Variants in LDLRAD3 observed in about 807,000 individuals in gnomAD.
LDLRAD3 encodes low-density lipoprotein receptor class A domain-containing protein 3.
In LDLRAD3, 20 loss-of-function variants were observed where a neutral mutation model predicts 29.4. The ratio of observed to expected loss-of-function variants is 0.68; its 90% CI spans 0.48 to 0.99. The LOEUF (loss-of-function observed/expected upper bound fraction) is 0.99. Ranked by LOEUF, LDLRAD3 falls within the 50% of genes least tolerant of loss-of-function variation. LDLRAD3 has a pLI of 0.00. For missense variants in LDLRAD3, 420 were observed against 454.3 expected, an observed-to-expected ratio of 0.92 and a Z score of 0.69; for synonymous variants, 157 against 192.7, an observed-to-expected ratio of 0.81 and a Z score of 1.53.
chr11:36,088,396 T>C (rs376400406), intron 3 of LDLRAD3, among the ~76,000 whole-genome samples: 55 of 152,114 alleles, frequency 3.6e-4, no homozygotes, highest in African/African-American at 1.3e-3. Context: ...CGATAGAAAA[T>C]TGATTCAAGC....
At chr11:36,038,261 A>C (rs1852330556) in intron 2 of LDLRAD3, among the ~76,000 whole-genome samples, 1 of 152,178 alleles carries the variant, frequency 6.6e-6, no homozygotes, top group South Asian at 2.1e-4. Context: ...CTCTGTTTCT[A>C]ACATGGCCTC....
At chr11:36,080,514 G>A (rs753426267) in intron 2 of LDLRAD3, among the ~76,000 whole-genome samples, 24 of 152,160 alleles carry the variant, frequency 1.6e-4, no homozygotes, top group Non-Finnish European at 3.1e-4. Context: ...TCTGCATGCC[G>A]GGCCTCACCC....
rs191441530 is a variant in LDLRAD3, at chr11:36,170,864, C to T, written c.455-56221C>T. On this transcript the variant is annotated intron_variant, in intron 4 of 5. Transcript: ENST00000315571. The stretch of plus-strand genomic sequence containing the variant: ...GTTGCCAGGTTGGAGTGCAGGGGCG[C>T]GATCTTGGCTCACTGAAACCTCCGC... 2.0e-4 allele frequency among the ~76,000 whole-genome samples: 30 copies of T among 150,540 alleles called. No homozygotes were observed. In the South Asian group the frequency reaches 4.4e-3, roughly 22 times the overall value.
intron 2 of LDLRAD3, among the ~76,000 whole-genome samples, chr11:36,070,331 A>G (rs985967537): frequency 2.6e-5 from 4 of 152,256 alleles, no homozygotes; most frequent in Admixed American, 2.0e-4. Context: ...TTGCTTGAAC[A>G]AAAACCGTTT....
chr11:36,180,437 G>A (rs1044863073), intron 4 of LDLRAD3, among the ~76,000 whole-genome samples: 1 of 152,160 alleles, frequency 6.6e-6, no homozygotes, highest in Non-Finnish European at 1.5e-5. Flanking sequence ...CTTCATGGAC[G>A]TATAGTCTAG....
At chr11:36,201,027 C>A (rs936719779) in intron 4 of LDLRAD3, among the ~76,000 whole-genome samples, 1 of 152,110 alleles carries the variant, frequency 6.6e-6, no homozygotes, top group Non-Finnish European at 1.5e-5. Flanking sequence ...GAAATGTTTT[C>A]TGTTGGTTTG....
intron 2 of LDLRAD3, among the ~76,000 whole-genome samples, chr11:36,074,010 G>C (rs1852952672): frequency 6.6e-6 from 1 of 152,050 alleles, no homozygotes; most frequent in African/African-American, 2.4e-5. Flanking sequence ...TTGTGTGTGT[G>C]AGAACTTAAA....
chr11:36,113,672 C>CTT (rs745375991), intron 4 of LDLRAD3, among the ~76,000 whole-genome samples: 4,276 of 126,316 alleles, frequency 0.034, 313 homozygotes, highest in East Asian at 0.3. Context: ...CATAGCATCA[C>CTT]TTTTTTTTTT....
At chr11:36,016,952 A>C (rs1172572006) in intron 1 of LDLRAD3, among the ~76,000 whole-genome samples, 2 of 152,248 alleles carry the variant, frequency 1.3e-5, no homozygotes, top group Non-Finnish European at 2.9e-5. Flanking sequence ...ACATAATTAA[A>C]AGATAAAAAT....
At chr11:36,069,835 A>G (rs907948275) in intron 2 of LDLRAD3, among the ~76,000 whole-genome samples, 2 of 152,124 alleles carry the variant, frequency 1.3e-5, no homozygotes, top group African/African-American at 2.4e-5. Flanking sequence ...TCTTCTATGT[A>G]TTCTCATTCT....
chr11:36,191,149 A>G (rs1489177294), intron 4 of LDLRAD3, among the ~76,000 whole-genome samples: 4 of 152,194 alleles, frequency 2.6e-5, no homozygotes, highest in African/African-American at 9.6e-5. Flanking sequence ...CTGAAGGGCC[A>G]TCACAGGGTG....
intron 1 of LDLRAD3, among the ~76,000 whole-genome samples, chr11:35,996,963 G>A (rs1350398018): frequency 6.6e-6 from 1 of 152,078 alleles, no homozygotes; most frequent in Non-Finnish European, 1.5e-5. Context: ...GTACCTTTGG[G>A]AATATAGTGT....
At chr11:36,144,545 C>G (rs1272423851) in intron 4 of LDLRAD3, among the ~76,000 whole-genome samples, 1 of 150,772 alleles carries the variant, frequency 6.6e-6, no homozygotes, top group Non-Finnish European at 1.5e-5. Flanking sequence ...CCTGCCGCCC[C>G]GTCTGGGATG....
chr11:36,171,983 G>A (rs1854604756), intron 4 of LDLRAD3, among the ~76,000 whole-genome samples: 2 of 152,114 alleles, frequency 1.3e-5, no homozygotes, highest in African/African-American at 4.8e-5. Context: ...TGTGTAATCT[G>A]TGATTTCTTT....
chr11:36,096,199 G>A (rs1198687264), intron 3 of LDLRAD3, among the ~76,000 whole-genome samples: 1 of 152,170 alleles, frequency 6.6e-6, no homozygotes, highest in Non-Finnish European at 1.5e-5. Context: ...GAATTGAATA[G>A]TTAAAATAAA....
At chr11:35,988,137 A>G (rs990495552) in intron 1 of LDLRAD3, among the ~76,000 whole-genome samples, 8 of 152,190 alleles carry the variant, frequency 5.3e-5, no homozygotes, top group Admixed American at 3.3e-4. Context: ...AACTCACTGC[A>G]GTCTCAATCT....
intron 1 of LDLRAD3, among the ~76,000 whole-genome samples, chr11:35,947,117 C>A (rs917426486): frequency 3.9e-5 from 6 of 152,134 alleles, no homozygotes; most frequent in African/African-American, 1.2e-4. Flanking sequence ...AGCCAGTCTG[C>A]AGGATAAGTT....
intron 2 of LDLRAD3, among the ~76,000 whole-genome samples, chr11:36,073,205 G>A (rs1447122384): frequency 1.3e-5 from 2 of 152,164 alleles, no homozygotes; most frequent in African/African-American, 2.4e-5. Flanking sequence ...AGGACTGTGG[G>A]AAGTAGGCTC....
intron 4 of LDLRAD3, among the ~76,000 whole-genome samples, chr11:36,111,913 T>C (rs996910191): frequency 1.3e-5 from 2 of 152,246 alleles, no homozygotes; most frequent in African/African-American, 4.8e-5. Flanking sequence ...GGTTCATCTT[T>C]AGTTCATTTT....
Sources: gnomAD v4.1 joint callset for allele counts (sites outside exome capture counted in the v4.1 genomes callset) on GRCh38, gnomAD v4.1.1 for gene constraint, MANE v1.5 for transcripts, NCBI Gene and HGNC (gene_info 2026-07-23, HGNC 2026-07-21) for gene names.